Variants in TMEM245 observed in about 807,000 individuals in gnomAD.
TMEM245 encodes protein CG-2.
Under a neutral mutation model 101.2 loss-of-function variants are expected in TMEM245, and 69 were observed. The ratio of observed to expected loss-of-function variants is 0.68; its 90% CI spans 0.56 to 0.83. TMEM245 has a LOEUF of 0.83. Among genes scored for constraint, TMEM245 ranks in the 40% least tolerant of loss-of-function variants. TMEM245 has a pLI of 0.00. For synonymous variants in TMEM245, 537 were observed against 449.8 expected (o/e 1.19, Z -2.45); for missense variants, 1,075 against 1,092.8 (o/e 0.98, Z 0.23).
At chr9:109,087,997 T>C (rs1215528506) in intron 5 of TMEM245, among the ~76,000 whole-genome samples, 1 of 152,126 alleles carries the variant, frequency 6.6e-6, no homozygotes, top group Non-Finnish European at 1.5e-5. Context: ...AACCACACTG[T>C]CTCCTCCTGG....
rs536393689 is a variant in TMEM245, at chr9:109,041,208, T to C, written c.2124-3091A>G. Among the ~76,000 whole-genome samples, 5 of 152,262 alleles carry C rather than the reference T, an allele frequency of 3.3e-5. No individual in the cohort carries two copies. In the South Asian group the frequency reaches 1.0e-3, roughly 32 times the overall value. On this transcript the variant is annotated intron_variant, in intron 14 of 17. Transcript: ENST00000374586. ...CATCTGAAGCACCTAGTAACTGACCTAGTGCACAGTAGATGCTCAATAAGC... is the reference window on the plus strand; with the variant it reads ...CATCTGAAGCACCTAGTAACTGACCCAGTGCACAGTAGATGCTCAATAAGC...
rs921869150 is a variant in TMEM245, at chr9:109,016,661, T to G, written c.*3799A>C. The G allele has an allele frequency of 2.8e-3, 17 of 6,142 alleles. No homozygotes were observed. Among genetic ancestry groups the G allele is most frequent in the South Asian group, 8.8e-3 (1 of 114 alleles). The allele number at this position is 6,142 out of a possible 1,614,324, so 0.4% of individuals were successfully genotyped here. On this transcript the variant is annotated 3_prime_UTR_variant, in exon 18 of 18. Transcript: ENST00000374586. Reference sequence around the variant, plus strand: ...AGTGGCTGCAGACAGCATGTGTGTTTTTTTTTTTTTTTTTTTTTGCAGGTT... The same window carrying G: ...AGTGGCTGCAGACAGCATGTGTGTTGTTTTTTTTTTTTTTTTTTGCAGGTT...
intron 6 of TMEM245, 77 bp downstream of exon 6, chr9:109,087,096 C>T: frequency 7.7e-7 from 1 of 1,299,878 alleles, no homozygotes; most frequent in African/African-American, 1.5e-5. Context: ...ACAATATAAA[C>T]ACCATAGAAT....
In TMEM245 at chr9:109,016,658, G is replaced by GTT. The variant is rs60869717; in HGVS notation, c.*3800_*3801dup. On this transcript the variant is annotated 3_prime_UTR_variant, in exon 18 of 18. Coordinates refer to ENST00000374586, the MANE Select transcript of TMEM245 (RefSeq NM_032012.4). ...AACAGTGGCTGCAGACAGCATGTGT[G>GTT]TTTTTTTTTTTTTTTTTTTTTGCAG... 16 of 124,706 alleles carry GTT rather than the reference G, an allele frequency of 1.3e-4. No individual in the cohort carries two copies. The highest frequency in any genetic ancestry group is 2.4e-4 in the Non-Finnish European group (14 of 58,488). 7.7% of individuals were successfully genotyped at this position (124,706 alleles called of 1,614,324 possible). A position where few individuals can be genotyped will look rare whatever the true frequency, so the allele number is the denominator to read the frequency against.
At chr9:109,058,273 G>A (rs1828906767) in intron 11 of TMEM245, among the ~76,000 whole-genome samples, 1 of 151,772 alleles carries the variant, frequency 6.6e-6, no homozygotes, top group Admixed American at 6.6e-5. Context: ...CAAAGTGCTA[G>A]GATTACAGGC....
At chr9:109,083,881 C>T (rs1376889412) in intron 7 of TMEM245, among the ~76,000 whole-genome samples, 4 of 105,522 alleles carry the variant, frequency 3.8e-5, no homozygotes. Context: ...CATAGCAAAA[C>T]CCCATCTCTA....
At chr9:109,062,014 G>GT (rs1168636251) in intron 10 of TMEM245, among the ~76,000 whole-genome samples, 13 of 150,776 alleles carry the variant, frequency 8.6e-5, no homozygotes, top group East Asian at 2.0e-4. Flanking sequence ...TTTTTGTTTT[G>GT]TTTTTTTTGA....
At chr9:109,073,784 A>T (rs1464056122) in intron 8 of TMEM245, among the ~76,000 whole-genome samples, 2 of 151,512 alleles carry the variant, frequency 1.3e-5, no homozygotes, top group African/African-American at 4.9e-5. Context: ...CAATATCAGC[A>T]CTTTGTGAGC....
intron 4 of TMEM245, among the ~76,000 whole-genome samples, chr9:109,091,918 C>T (rs996125244): frequency 1.3e-5 from 2 of 152,116 alleles, no homozygotes; most frequent in Non-Finnish European, 2.9e-5. Flanking sequence ...CTAAAACTTG[C>T]ATTTTGCCTT....
At chr9:109,072,091 G>A (rs529973527) in intron 9 of TMEM245, among the ~76,000 whole-genome samples, 1 of 152,168 alleles carries the variant, frequency 6.6e-6, no homozygotes, top group South Asian at 2.1e-4. Context: ...AAGGGCTTGT[G>A]GGGTGCCTGT....
intron 14 of TMEM245, chr9:109,038,588 C>CA (rs1828209663): frequency 6.6e-6 from 1 of 152,538 alleles, no homozygotes; most frequent in African/African-American, 2.4e-5. Flanking sequence ...TGTATTTCAC[C>CA]ATCTTTCTTT....
intron 3 of TMEM245, among the ~76,000 whole-genome samples, chr9:109,102,886 C>T (rs2132623177): frequency 6.6e-6 from 1 of 152,314 alleles, no homozygotes; most frequent in South Asian, 2.1e-4. Flanking sequence ...TTCAGATTTA[C>T]CTCTCCAGTC....
intron 8 of TMEM245, among the ~76,000 whole-genome samples, chr9:109,076,493 C>T (rs1003442268): frequency 6.6e-6 from 1 of 151,742 alleles, no homozygotes; most frequent in Admixed American, 6.6e-5. Flanking sequence ...AACAAACCTG[C>T]ACGTTGTGCA....
intron 1 of TMEM245, among the ~76,000 whole-genome samples, chr9:109,109,181 A>G (rs931195913): frequency 3.9e-5 from 6 of 152,170 alleles, no homozygotes; most frequent in African/African-American, 1.4e-4. Context: ...ATATTATTAG[A>G]GGAACAAACA....
chr9:109,086,486 T>C (rs1829841695), intron 6 of TMEM245, among the ~76,000 whole-genome samples: 1 of 152,188 alleles, frequency 6.6e-6, no homozygotes, highest in Non-Finnish European at 1.5e-5. Context: ...CATACACACT[T>C]TTCCTACACA....
intron 1 of TMEM245, 42 bp downstream of exon 1, chr9:109,119,293 G>A (rs1395480911): frequency 2.0e-6 from 3 of 1,506,080 alleles, no homozygotes; most frequent in South Asian, 2.5e-5. Context: ...CAGAGCGCCG[G>A]GACCACGGGC....
At chr9:109,089,197 G>A (rs1324983600) in intron 5 of TMEM245, among the ~76,000 whole-genome samples, 2 of 151,602 alleles carry the variant, frequency 1.3e-5, no homozygotes, top group African/African-American at 4.8e-5. Flanking sequence ...AGAGATCGAG[G>A]CTGTGGTGAA....
chr9:109,032,304 T>A (rs1303596465), intron 17 of TMEM245, among the ~76,000 whole-genome samples: 1 of 142,674 alleles, frequency 7.0e-6, no homozygotes, highest in Admixed American at 7.3e-5. Flanking sequence ...ATTCCTCCCA[T>A]CCCCAATCCA....
chr9:109,117,202 C>T (rs1588086998), intron 1 of TMEM245, among the ~76,000 whole-genome samples: 1 of 152,052 alleles, frequency 6.6e-6, no homozygotes, highest in South Asian at 2.1e-4. Context: ...CTCTGCCTCC[C>T]GGGTTCAAGT....
Sources: allele counts gnomAD v4.1 joint callset (sites outside exome capture counted in the v4.1 genomes callset), GRCh38; gene constraint gnomAD v4.1.1; transcripts MANE v1.5; gene names NCBI Gene and HGNC (gene_info 2026-07-23, HGNC 2026-07-21).